Variants in CHM observed in about 807,000 individuals in gnomAD.
CHM encodes rab proteins geranylgeranyltransferase component A 1.
CHM carries 10 observed loss-of-function variants against 49.0 expected under a neutral mutation model. The ratio of observed to expected loss-of-function variants is 0.20; its 90% confidence interval spans 0.13 to 0.35. The LOEUF is 0.35. Among genes scored for constraint, CHM ranks in the 10% least tolerant of loss-of-function variants. The pLI, the probability that CHM is intolerant of heterozygous loss-of-function variation, is 1.00. For missense variants in CHM, 455 were observed against 478.4 expected, an observed-to-expected ratio of 0.95 and a Z score of 0.46; for synonymous variants, 184 against 167.5, an observed-to-expected ratio of 1.10 and a Z score of -0.76.
chrX:86,030,829 C>G (rs2147795648), intron 1 of CHM, among the ~76,000 whole-genome samples: 1 of 110,062 alleles, frequency 9.1e-6, no homozygotes, highest in South Asian at 4.0e-4. Context: ...AAGGGAGAAC[C>G]AAAAAGTGAT....
chrX:85,898,360 A>T (rs1215715689), intron 11 of CHM, among the ~76,000 whole-genome samples: 2 of 111,520 alleles, frequency 1.8e-5, no homozygotes, highest in East Asian at 5.7e-4. Flanking sequence ...TCCAAGGGCA[A>T]CATTTTTGCC....
chrX:85,996,940 C>A (rs1477000298), intron 2 of CHM, among the ~76,000 whole-genome samples: 1 of 111,644 alleles, frequency 9.0e-6, no homozygotes, highest in Non-Finnish European at 1.9e-5. Context: ...TATCTATCAA[C>A]ACAGTTTTTA....
At chrX:85,869,015 C>T (rs1923882479) in intron 14 of CHM, among the ~76,000 whole-genome samples, 1 of 111,966 alleles carries the variant, frequency 8.9e-6, no homozygotes, top group Non-Finnish European at 1.9e-5. Context: ...TTATTCTTCA[C>T]ATCCAGAATG....
At position 85,862,600 on chromosome X, in the gene CHM, A is replaced by G. The variant is rs1387635692; in HGVS notation, c.*2030T>C. On this transcript the variant is annotated 3_prime_UTR_variant, in exon 15 of 15. Transcript: ENST00000357749. Reference sequence around the variant, plus strand: ...TACTGTCCCTGATTTGTGTGACATTATAAAAGGGGAAGTGAGGGAAAGGGG... The same window carrying G: ...TACTGTCCCTGATTTGTGTGACATTGTAAAAGGGGAAGTGAGGGAAAGGGG... The G allele has an allele frequency of 1.8e-5, 2 of 112,114 alleles. No homozygotes were observed. The highest frequency in any genetic ancestry group is 6.5e-5 in the African/African-American group (2 of 30,769). 9.2% of individuals were successfully genotyped at this position (112,114 alleles called of 1,213,427 possible).
chrX:85,920,005 T>C (rs1055397669), intron 8 of CHM, among the ~76,000 whole-genome samples: 2 of 111,997 alleles, frequency 1.8e-5, no homozygotes, highest in Admixed American at 9.5e-5. Flanking sequence ...ATTCCGATAG[T>C]CTTTAAAAAA....
intron 3 of CHM, among the ~76,000 whole-genome samples, chrX:85,981,215 T>TATATATATATATATATATATATAC (rs1931580773): frequency 1.3e-5 from 1 of 77,545 alleles, no homozygotes; most frequent in Admixed American, 1.6e-4. Context: ...TCTATATATA[T>TATATATATATATATATATATATAC]ATATAGACAC....
chrX:85,958,114 G>T, intron 6 of CHM, 139 bp from the exon 7 acceptor site: 1 of 709,893 alleles, frequency 1.4e-6, no homozygotes, highest in Non-Finnish European at 2.1e-6. Context: ...CCGTCCATCA[G>T]TACTAATGGC....
intron 8 of CHM, among the ~76,000 whole-genome samples, chrX:85,914,242 C>A (rs1334697216): frequency 2.1e-4 from 23 of 110,553 alleles, no homozygotes; most frequent in African/African-American, 7.6e-4. Flanking sequence ...AGCCCATCCC[C>A]CAAGGCTCAC....
At chrX:85,989,194 G>A (rs1169099442) in intron 2 of CHM, among the ~76,000 whole-genome samples, 1 of 110,987 alleles carries the variant, frequency 9.0e-6, no homozygotes, top group African/African-American at 3.3e-5. Context: ...AAATAAGGTT[G>A]CCCACCTATG....
intron 1 of CHM, among the ~76,000 whole-genome samples, chrX:86,039,480 T>A (rs1357656438): frequency 1.5e-5 from 1 of 67,072 alleles, no homozygotes; most frequent in Non-Finnish European, 2.7e-5. Flanking sequence ...CTAGTAGCCA[T>A]AATAACTCAA....
Position 86,017,268 on chromosome X carries a change from T to G in CHM, c.116+10223A>C, listed in dbSNP as rs1387839544. Among the ~76,000 whole-genome samples the G allele has an allele frequency of 7.2e-5, 8 of 111,730 alleles. No individual in the cohort carries two copies. The Admixed American group carries it at 7.6e-4, about 11-fold the overall frequency. ...GAAATGAGTTAAGACTTTGGGAGAC[T>G]GTTGGGAAGGCATGACTGCTTTTGA... is the stretch of plus-strand genomic sequence containing the variant. On this transcript the variant is annotated intron_variant, in intron 2 of 14. Transcript: ENST00000357749.
intron 8 of CHM, among the ~76,000 whole-genome samples, chrX:85,954,343 A>G (rs1283659021): frequency 8.9e-6 from 1 of 111,983 alleles, no homozygotes; most frequent in African/African-American, 3.2e-5. Context: ...TAATTAGTAC[A>G]ACCACTGTGG....
intron 1 of CHM, 118 bp from the exon 2 acceptor site, chrX:86,027,675 G>C (rs918889201): frequency 1.8e-6 from 1 of 555,596 alleles, no homozygotes; most frequent in Non-Finnish European, 3.1e-6. Flanking sequence ...ACCCATCCTT[G>C]CTTGTATTCA....
In CHM at chrX:85,941,714, G is replaced by A. The variant is rs775171683; in HGVS notation, c.1166+14439C>T. ...CAAAAGGTTTCAATGGAGACCACGCGGCCTGCAATACCTAAACTATGTACT... is the reference window on the plus strand; with the variant it reads ...CAAAAGGTTTCAATGGAGACCACGCAGCCTGCAATACCTAAACTATGTACT... On this transcript the variant is annotated intron_variant, in intron 8 of 14. Transcript: ENST00000357749. Among the ~76,000 whole-genome samples, 26 of 110,516 alleles carry A rather than the reference G, an allele frequency of 2.4e-4. No individual in the cohort carries two copies. In the South Asian group the frequency reaches 3.5e-3, roughly 15 times the overall value.
At chrX:85,914,377 C>A (rs987538817) in intron 8 of CHM, among the ~76,000 whole-genome samples, 5 of 111,093 alleles carry the variant, frequency 4.5e-5, no homozygotes, top group Non-Finnish European at 9.4e-5. Flanking sequence ...TCTCCTCTGG[C>A]CACACCTGCT....
intron 2 of CHM, among the ~76,000 whole-genome samples, chrX:86,004,648 G>A (rs1932815427): frequency 8.9e-6 from 1 of 111,869 alleles, no homozygotes; most frequent in African/African-American, 3.3e-5. Context: ...AACCAACAAA[G>A]ATCAAAAGAG....
chrX:85,940,591 C>G (rs1192062252), intron 8 of CHM, among the ~76,000 whole-genome samples: 1 of 100,523 alleles, frequency 9.9e-6, no homozygotes, highest in Non-Finnish European at 2.0e-5. Context: ...ATGCACAAGA[C>G]AGCCCTTTCC....
intron 14 of CHM, among the ~76,000 whole-genome samples, chrX:85,868,629 T>C (rs1277911749): frequency 9.0e-6 from 1 of 111,715 alleles, no homozygotes; most frequent in Non-Finnish European, 1.9e-5. Context: ...CCTTCCCCAC[T>C]GACATAGCCC....
chrX:85,966,502 C>T (rs1603265165), intron 4 of CHM, among the ~76,000 whole-genome samples: 1 of 111,430 alleles, frequency 9.0e-6, no homozygotes, highest in South Asian at 3.8e-4. Flanking sequence ...CTATTAACAG[C>T]ATTAAGAATG....
Sources: gnomAD v4.1 joint callset for allele counts (sites outside exome capture counted in the v4.1 genomes callset) on GRCh38, gnomAD v4.1.1 for gene constraint, MANE v1.5 for transcripts, NCBI Gene and HGNC (gene_info 2026-07-23, HGNC 2026-07-21) for gene names.